MARK1: variants seen among roughly 807,000 people sequenced by gnomAD.
MARK1 encodes the protein serine/threonine-protein kinase MARK1.
In MARK1, 40 loss-of-function variants were observed where a neutral mutation model predicts 96.3. The ratio of observed to expected loss-of-function variants is 0.42; its 90% CI spans 0.32 to 0.54. The LOEUF (loss-of-function observed/expected upper bound fraction) is 0.54, where lower values mean the gene tolerates loss of function less well. Among genes scored for constraint, MARK1 ranks in the 20% least tolerant of loss-of-function variants. The pLI is 0.16. For missense variants in MARK1, 719 were observed against 984.6 expected, an observed-to-expected ratio of 0.73 and a Z score of 3.61; for synonymous variants, 317 against 341.2, an observed-to-expected ratio of 0.93 and a Z score of 0.78.
At chr1:220,634,394 C>G (rs1219490012) in intron 11 of MARK1, among the ~76,000 whole-genome samples, 1 of 152,128 alleles carries the variant, frequency 6.6e-6, no homozygotes, top group East Asian at 1.9e-4. Context: ...GCACCCCCAC[C>G]CCTGCCCTAC....
At chr1:220,661,175 G>T (rs73107663) in intron 17 of MARK1, among the ~76,000 whole-genome samples, 9,363 of 152,218 alleles carry the variant, frequency 0.062, 887 homozygotes, top group African/African-American at 0.21. Flanking sequence ...AGTGAGGAAG[G>T]AGAAAAATTC....
intron 17 of MARK1, among the ~76,000 whole-genome samples, chr1:220,658,430 C>T (rs948576705): frequency 6.6e-6 from 1 of 152,132 alleles, no homozygotes; most frequent in Non-Finnish European, 1.5e-5. Context: ...GATTCAGGGG[C>T]CGAGGCAGGT....
At chr1:220,593,221 C>T (rs369269921) in intron 3 of MARK1, among the ~76,000 whole-genome samples, 30 of 151,750 alleles carry the variant, frequency 2.0e-4, no homozygotes, top group African/African-American at 4.6e-4. Flanking sequence ...AATATGTTCT[C>T]GGAGGCTTGG....
intron 13 of MARK1, among the ~76,000 whole-genome samples, chr1:220,647,051 A>C (rs1005597982): frequency 4.1e-4 from 62 of 152,228 alleles, no homozygotes; most frequent in Admixed American, 4.1e-3. Flanking sequence ...AAAATTGACA[A>C]ATGGGATCTA....
At chr1:220,635,756 TAC>T (rs1667925266) in intron 12 of MARK1, 75 bp from the exon 13 acceptor site, 2 of 1,286,234 alleles carry the variant, frequency 1.6e-6, no homozygotes, top group African/African-American at 3.0e-5. Flanking sequence ...ATAATTTTAA[TAC>T]AGAGTTTTTG....
chr1:220,589,281 A>G (rs1664835831), intron 3 of MARK1, among the ~76,000 whole-genome samples: 1 of 152,210 alleles, frequency 6.6e-6, no homozygotes. Flanking sequence ...TGTCTAAGCC[A>G]TGTCCAGTTG....
intron 2 of MARK1, among the ~76,000 whole-genome samples, chr1:220,580,096 C>G (rs1206877593): frequency 6.6e-6 from 1 of 151,724 alleles, no homozygotes; most frequent in Non-Finnish European, 1.5e-5. Context: ...GTATATATAC[C>G]TGTATGCTAG....
intron 1 of MARK1, among the ~76,000 whole-genome samples, chr1:220,533,689 G>A (rs1194099661): frequency 6.6e-6 from 1 of 152,134 alleles, no homozygotes; most frequent in Non-Finnish European, 1.5e-5. Flanking sequence ...CTGTTCAGGA[G>A]TCATCTGCTA....
At chr1:220,594,629 C>T (rs1199786401) in intron 3 of MARK1, among the ~76,000 whole-genome samples, 1 of 152,130 alleles carries the variant, frequency 6.6e-6, no homozygotes, top group East Asian at 1.9e-4. Flanking sequence ...CCAAGACGTC[C>T]TTCAGTAGGT....
rs371803522 is a variant in MARK1 at position 220,652,143 on chromosome 1, C to T, written c.1729C>T (p.Arg577Trp). The change falls in exon 15 of 18, where the codon CGG becomes TGG. Residue 577 changes from arginine (R) to tryptophan (W), a missense_variant. Physicochemically the swap from Arg to Trp is moderately radical, Grantham distance 101. Transcript: ENST00000366917. ...PTIKDGSEAY[R>W]PGTTQRVPAA... The stretch of plus-strand genomic sequence containing the variant: ...CATTAAAGACGGCTCTGAAGCTTAC[C>T]GGCCTGGGTAATGTGTTGGTTACAT... 6.9e-6 allele frequency: 11 copies of T among 1,600,634 alleles called. No individual in the cohort carries two copies. In the Admixed American group the frequency reaches 8.4e-5, roughly 12 times the overall value.
At chr1:220,552,157 C>T (rs937515994) in intron 1 of MARK1, among the ~76,000 whole-genome samples, 1 of 152,180 alleles carries the variant, frequency 6.6e-6, no homozygotes, top group African/African-American at 2.4e-5. Flanking sequence ...GATTCACTGC[C>T]ATGAAGCAGT....
chr1:220,612,882 C>A (rs1399094993), intron 6 of MARK1, among the ~76,000 whole-genome samples: 1 of 151,926 alleles, frequency 6.6e-6, no homozygotes, highest in African/African-American at 2.4e-5. Flanking sequence ...AGCCATTGCC[C>A]ATACAATGCT....
At chr1:220,566,523 G>A (rs1663071045) in intron 1 of MARK1, among the ~76,000 whole-genome samples, 1 of 151,998 alleles carries the variant, frequency 6.6e-6, no homozygotes, top group South Asian at 2.1e-4. Flanking sequence ...TTTTTGTTTT[G>A]TTTATTTGTT....
At chr1:220,615,870 G>T in intron 6 of MARK1, 69 bp from the exon 7 acceptor site, 1 of 767,072 alleles carries the variant, frequency 1.3e-6, no homozygotes, top group East Asian at 2.6e-5. Context: ...TATCTAAATT[G>T]GAGGTGATTA....
At chr1:220,650,462 A>C (rs1335412854) in intron 13 of MARK1, among the ~76,000 whole-genome samples, 158 bp from the exon 14 acceptor site, 2 of 152,220 alleles carry the variant, frequency 1.3e-5, no homozygotes, top group African/African-American at 4.8e-5. Context: ...TTACTTCTGA[A>C]ATCTAAATTA....
chr1:220,535,947 G>A (rs1019704171), intron 1 of MARK1, among the ~76,000 whole-genome samples: 1 of 152,104 alleles, frequency 6.6e-6, no homozygotes, highest in Non-Finnish European at 1.5e-5. Context: ...TAAGTGTGAG[G>A]CTTCTAACTT....
In MARK1 at chr1:220,563,245, A is replaced by G. The variant is rs1662794606; in HGVS notation, c.52-16109A>G. ...TTGGCAAATCGTAAATACAACCTGC[A>G]AAGACAATGAGGAAATTTATAAATA... On this transcript the variant is annotated intron_variant, in intron 1 of 17. Transcript: ENST00000366917. 2.0e-5 allele frequency among the ~76,000 whole-genome samples: 3 copies of G among 152,222 alleles called. No individual in the cohort carries two copies. The South Asian group carries it at 6.2e-4, about 32-fold the overall frequency.
At position 220,662,317 on chromosome 1, in the gene MARK1, G is replaced by A. The variant is rs2103081605; in HGVS notation, c.*151G>A. On this transcript the variant is annotated 3_prime_UTR_variant, in exon 18 of 18. Coordinates refer to ENST00000366917, the MANE Select transcript of MARK1 (RefSeq NM_018650.5). ...ATAAGGTTATACATAGTTATGAACT[G>A]TAAAATTAAAGTCAGTATGAACTAT... 1.7e-6 allele frequency: 1 copy of A among 598,746 alleles called. No individual in the cohort carries two copies. Among genetic ancestry groups the A allele is most frequent in the Non-Finnish European group, 2.9e-6 (1 of 342,908 alleles). The allele number at this position is 598,746 out of a possible 1,614,324, so 37.1% of individuals were successfully genotyped here.
In MARK1 at chr1:220,562,990, C is replaced by A. The variant is rs934744088; in HGVS notation, c.52-16364C>A. ...CCAACTGTACATATTGATATCAGTCCTCTTCCTGCATTTAAGTAGGTAGCT... is the reference window on the plus strand; with the variant it reads ...CCAACTGTACATATTGATATCAGTCATCTTCCTGCATTTAAGTAGGTAGCT... On this transcript the variant is annotated intron_variant, in intron 1 of 17. Coordinates refer to ENST00000366917, the MANE Select transcript of MARK1 (RefSeq NM_018650.5). Among the ~76,000 whole-genome samples, 3 of 152,132 alleles carry A rather than the reference C, an allele frequency of 2.0e-5. No homozygotes were observed. The East Asian group carries it at 5.8e-4, about 29-fold the overall frequency.
Sources: allele counts gnomAD v4.1 joint callset (sites outside exome capture counted in the v4.1 genomes callset), GRCh38; gene constraint gnomAD v4.1.1; transcripts MANE v1.5; gene names NCBI Gene and HGNC (gene_info 2026-07-23, HGNC 2026-07-21).